The following CLVS1 variants were observed in gnomAD, a reference collection of about 807,000 sequenced individuals.
CLVS1 encodes clavesin 1.
Under a neutral mutation model 33.1 loss-of-function variants are expected in CLVS1, and 10 were observed. The ratio of observed to expected loss-of-function variants is 0.30; its 90% CI spans 0.19 to 0.51. The LOEUF (loss-of-function observed/expected upper bound fraction) is 0.51. Among genes scored for constraint, CLVS1 ranks in the 20% least tolerant of loss-of-function variants. The probability of loss-of-function intolerance (pLI) is 0.97; values close to 1 mark genes in which losing one functional copy is unlikely to be tolerated. For synonymous variants in CLVS1, 163 were observed against 166.1 expected, an observed-to-expected ratio of 0.98 and a Z score of 0.14; for missense variants, 343 against 433.4, an observed-to-expected ratio of 0.79 and a Z score of 1.85.
intron 5 of CLVS1, among the ~76,000 whole-genome samples, chr8:61,477,036 C>A (rs1414303662): frequency 6.6e-6 from 1 of 151,654 alleles, no homozygotes; most frequent in East Asian, 1.9e-4. Flanking sequence ...AAGGCCTTTT[C>A]TGCATCTATT....
At chr8:61,114,019 A>G (rs1320474233) in intron 1 of CLVS1, among the ~76,000 whole-genome samples, 2 of 152,268 alleles carry the variant, frequency 1.3e-5, no homozygotes, top group Non-Finnish European at 2.9e-5. Flanking sequence ...GCCCTGTATC[A>G]ACTACTCAAC....
intron 2 of CLVS1, among the ~76,000 whole-genome samples, chr8:61,349,083 G>A (rs1812344582): frequency 6.6e-6 from 1 of 151,964 alleles, no homozygotes; most frequent in Non-Finnish European, 1.5e-5. Context: ...TTGCTATTAA[G>A]TTGTTTGAGT....
chr8:61,325,792 G>A (rs1308702083), intron 2 of CLVS1, among the ~76,000 whole-genome samples: 1 of 152,114 alleles, frequency 6.6e-6, no homozygotes, highest in African/African-American at 2.4e-5. Context: ...ATATGAAAGA[G>A]TTTTATTTTC....
chr8:61,424,669 A>G (rs541643356), intron 3 of CLVS1, among the ~76,000 whole-genome samples: 1 of 151,604 alleles, frequency 6.6e-6, no homozygotes, highest in South Asian at 2.1e-4. Flanking sequence ...TTCAAGGGAG[A>G]CTACACAGTT....
At chr8:61,441,047 A>G (rs1816522458) in intron 3 of CLVS1, among the ~76,000 whole-genome samples, 1 of 152,218 alleles carries the variant, frequency 6.6e-6, no homozygotes, top group Non-Finnish European at 1.5e-5. Context: ...AATGACTGTC[A>G]CACGGTATAA....
At chr8:61,453,299 C>G (rs1005452835) in intron 3 of CLVS1, among the ~76,000 whole-genome samples, 1 of 151,968 alleles carries the variant, frequency 6.6e-6, no homozygotes, top group Non-Finnish European at 1.5e-5. Flanking sequence ...TGGCCATGGT[C>G]CCCTGTTCTG....
At chr8:61,492,340 T>G (rs1660376611) in intron 5 of CLVS1, among the ~76,000 whole-genome samples, 1 of 152,232 alleles carries the variant, frequency 6.6e-6, no homozygotes, top group South Asian at 2.1e-4. Context: ...TAGTTTACAT[T>G]TTTTTGGTAC....
At chr8:61,479,789 T>C (rs2129608113) in intron 5 of CLVS1, among the ~76,000 whole-genome samples, 1 of 152,344 alleles carries the variant, frequency 6.6e-6, no homozygotes, top group Middle Eastern at 3.4e-3. Context: ...GTTTGTTAGT[T>C]TTCCTTCTAA....
intron 1 of CLVS1, among the ~76,000 whole-genome samples, chr8:61,103,213 G>C (rs1805481645): frequency 6.6e-6 from 1 of 152,206 alleles, no homozygotes; most frequent in African/African-American, 2.4e-5. Flanking sequence ...TGTTTGAGTT[G>C]CTGCTCTTCC....
intron 1 of CLVS1, among the ~76,000 whole-genome samples, chr8:61,083,541 A>T (rs1028256584): frequency 1.3e-5 from 2 of 152,180 alleles, no homozygotes; most frequent in Non-Finnish European, 2.9e-5. Flanking sequence ...CAACGGGAGA[A>T]GACAGGCATC....
intron 5 of CLVS1, among the ~76,000 whole-genome samples, chr8:61,461,885 C>T (rs1321391295): frequency 7.2e-6 from 1 of 139,222 alleles, no homozygotes; most frequent in Admixed American, 7.1e-5. Context: ...TTGATATGAC[C>T]AGACTTTAAT....
At chr8:60,993,717 C>T in the CLVS1 span, among the ~76,000 whole-genome samples, 16 of 152,184 alleles carry the variant, frequency 1.1e-4, no homozygotes, top group African/African-American at 2.7e-4. Flanking sequence ...CGGCTAGCAC[C>T]GCCTCTTACT....
intron 2 of CLVS1, among the ~76,000 whole-genome samples, chr8:61,175,605 A>G (rs1051093348): frequency 1.3e-5 from 2 of 152,196 alleles, no homozygotes; most frequent in African/African-American, 4.8e-5. Context: ...TCCTTATAAG[A>G]AGAGAGAGAT....
intron 2 of CLVS1, among the ~76,000 whole-genome samples, chr8:61,308,177 C>T (rs570943871): frequency 6.6e-6 from 1 of 152,252 alleles, no homozygotes; most frequent in East Asian, 1.9e-4. Context: ...TTTCCATGTA[C>T]GTTTTCTTAT....
intron 2 of CLVS1, among the ~76,000 whole-genome samples, chr8:61,230,740 G>A (rs543037838): frequency 2.1e-4 from 32 of 152,298 alleles, no homozygotes; most frequent in African/African-American, 7.2e-4. Flanking sequence ...TATTTGGGCT[G>A]CTATAACAAA....
At chr8:61,004,337 A>T in the CLVS1 span, among the ~76,000 whole-genome samples, 3 of 152,284 alleles carry the variant, frequency 2.0e-5, no homozygotes, top group South Asian at 6.2e-4. Flanking sequence ...CTCAGCCTGT[A>T]AAGGGAGGAA....
rs1817536340 is a variant in CLVS1, at chr8:61,466,014, T to C, written c.977+7472T>C. 9.9e-5 allele frequency among the ~76,000 whole-genome samples: 15 copies of C among 152,196 alleles called. 1 individual carries two copies. Among genetic ancestry groups the C allele is most frequent in the Admixed American group, 9.8e-4 (15 of 15,276 alleles). The stretch of plus-strand genomic sequence containing the variant: ...AGAAGTCCACTTCTTTGCTCCCACA[T>C]CATCAGCTGTTTTCTGTTCTTAGGA... On this transcript the variant is annotated intron_variant, in intron 5 of 5. Coordinates refer to ENST00000325897, the MANE Select transcript of CLVS1 (RefSeq NM_173519.3).
At chr8:61,270,680 C>T (rs1809418402) in intron 2 of CLVS1, among the ~76,000 whole-genome samples, 1 of 152,144 alleles carries the variant, frequency 6.6e-6, no homozygotes, top group Non-Finnish European at 1.5e-5. Context: ...GGATTATTGC[C>T]ATAATTTCAG....
intron 5 of CLVS1, among the ~76,000 whole-genome samples, chr8:61,463,589 G>A (rs553070997): frequency 7.2e-5 from 11 of 152,218 alleles, no homozygotes; most frequent in African/African-American, 2.2e-4. Flanking sequence ...AAGGAATAGC[G>A]AGGCCCAAGA....
Sources: gnomAD v4.1 joint callset for allele counts (sites outside exome capture counted in the v4.1 genomes callset) on GRCh38, gnomAD v4.1.1 for gene constraint, MANE v1.5 for transcripts, NCBI Gene and HGNC (gene_info 2026-07-23, HGNC 2026-07-21) for gene names.